Variants in KANK1 observed in about 807,000 individuals in gnomAD.
The protein encoded by KANK1 is KN motif and ankyrin repeat domains 1, also known as KN motif and ankyrin repeat domain-containing protein 1.
Under a neutral mutation model 106.2 loss-of-function variants are expected in KANK1, and 109 were observed. The observed-to-expected ratio is 1.03, with a 90% confidence interval of 0.88 to 1.20. The LOEUF (loss-of-function observed/expected upper bound fraction) is 1.20. KANK1 is among the 50% of genes most tolerant of loss of function. The pLI, the probability that KANK1 is intolerant of heterozygous loss-of-function variation, is 0.00. For synonymous variants in KANK1, 873 were observed against 652.2 expected, an observed-to-expected ratio of 1.34 and a Z score of -5.16; for missense variants, 2,399 against 1,710.7, an observed-to-expected ratio of 1.40 and a Z score of -7.10.
intron 3 of KANK1, among the ~76,000 whole-genome samples, chr9:488,562 C>T (rs1206239483): frequency 6.6e-6 from 1 of 152,332 alleles, no homozygotes; most frequent in Non-Finnish European, 1.5e-5. Flanking sequence ...TCAATTACCT[C>T]AACTGCAAAG....
rs944957855 is a variant in KANK1 at position 548,208 on chromosome 9, G to T, written c.-84+43454G>T. Among the ~76,000 whole-genome samples, 5 of 152,122 alleles carry T rather than the reference G, an allele frequency of 3.3e-5. No homozygotes were observed. In the South Asian group the frequency reaches 1.0e-3, roughly 32 times the overall value. The stretch of plus-strand genomic sequence containing the variant: ...AAAGTAAGATAATTCTTAAACCTTA[G>T]TATCAGCAGTCATTCTAAACCACAT... On this transcript the variant is annotated intron_variant, in intron 1 of 11. Coordinates refer to ENST00000382297, the MANE Select transcript of KANK1 (RefSeq NM_015158.5).
intron 1 of KANK1, among the ~76,000 whole-genome samples, chr9:586,296 C>A (rs1014814143): frequency 6.6e-6 from 1 of 152,162 alleles, no homozygotes; most frequent in East Asian, 1.9e-4. Flanking sequence ...AGGGGATGGG[C>A]CCAGGCCTAT....
rs3028166 is a variant in KANK1, at chr9:598,620, C to CTTTTTTTTTTTT, written c.-83-78251_-83-78240dup. ...TTTTTTGTTTTGTTTTGTTGGTTTT[C>CTTTTTTTTTTTT]TTTTTTTTTTTTTTTTTTTTTTTTT... On this transcript the variant is annotated intron_variant, in intron 1 of 11. Coordinates refer to ENST00000382297, the MANE Select transcript of KANK1 (RefSeq NM_015158.5). Among the ~76,000 whole-genome samples the CTTTTTTTTTTTT allele has an allele frequency of 2.7e-3, 124 of 46,670 alleles. 22 individuals are homozygous for CTTTTTTTTTTTT. The highest frequency in any genetic ancestry group is 3.6e-3 in the Non-Finnish European group (83 of 23,142). 30.6% of individuals were successfully genotyped at this position (46,670 alleles called of 152,430 possible).
rs5895857 is a variant in KANK1, at chr9:670,949, G to GTTT, written c.-83-5914_-83-5912dup. On this transcript the variant is annotated intron_variant, in intron 1 of 11. Transcript: ENST00000382297. The stretch of plus-strand genomic sequence containing the variant: ...TCTGATTCTCTTACTGTCTGCTGGA[G>GTTT]TTTTTTTTTTTTTTTTTTTTTTTTT... 1.1e-4 allele frequency among the ~76,000 whole-genome samples: 11 copies of GTTT among 103,110 alleles called. 1 individual carries two copies. The highest frequency in any genetic ancestry group is 2.6e-4 in the African/African-American group (8 of 30,410). 67.6% of individuals were successfully genotyped at this position (103,110 alleles called of 152,430 possible). A position where few individuals can be genotyped will look rare whatever the true frequency, so the allele number is the denominator to read the frequency against.
chr9:672,423 G>A (rs1815375662), intron 1 of KANK1, among the ~76,000 whole-genome samples: 1 of 152,114 alleles, frequency 6.6e-6, no homozygotes, highest in Non-Finnish European at 1.5e-5. Context: ...TTCTTAATAA[G>A]CATTTTATCA....
chr9:663,002 A>G (rs7870643), intron 1 of KANK1, among the ~76,000 whole-genome samples: 127,487 of 152,050 alleles, frequency 0.84, 53,586 homozygotes, highest in East Asian at 0.97. Context: ...AGAAAAAAAT[A>G]AATCTGAGGA....
chr9:592,217 A>T (rs1036021592), intron 1 of KANK1, among the ~76,000 whole-genome samples: 1 of 151,892 alleles, frequency 6.6e-6, no homozygotes, highest in East Asian at 1.9e-4. Flanking sequence ...CCTGAGAGCA[A>T]AGGTTAGATA....
chr9:732,928 T>A, intron 6 of KANK1: 1 of 202,572 alleles, frequency 4.9e-6, no homozygotes, highest in Non-Finnish European at 1.0e-5. Context: ...TTTAAAGACA[T>A]TTTAATTTTT....
intron 1 of KANK1, among the ~76,000 whole-genome samples, chr9:513,877 C>A (rs939384365): frequency 1.3e-5 from 2 of 152,082 alleles, no homozygotes; most frequent in Non-Finnish European, 2.9e-5. Flanking sequence ...ATTAGCTGGG[C>A]TTGCTGGTGC....
At chr9:661,321 G>A (rs568649113) in intron 1 of KANK1, among the ~76,000 whole-genome samples, 2 of 150,076 alleles carry the variant, frequency 1.3e-5, no homozygotes, top group Admixed American at 6.7e-5. Flanking sequence ...TCACCGCCCT[G>A]TGTCCAAGTG....
intron 1 of KANK1, among the ~76,000 whole-genome samples, chr9:527,967 T>G (rs2059873179): frequency 6.6e-6 from 1 of 151,822 alleles, no homozygotes; most frequent in African/African-American, 2.4e-5. Flanking sequence ...CTGTCTGTAC[T>G]AAAAATACAA....
chr9:563,443 C>G (rs1817007873), intron 1 of KANK1, among the ~76,000 whole-genome samples: 1 of 152,090 alleles, frequency 6.6e-6, no homozygotes, highest in African/African-American at 2.4e-5. Context: ...AATAAACATG[C>G]TGTTTTATTT....
At chr9:552,021 A>T (rs887213085) in intron 1 of KANK1, among the ~76,000 whole-genome samples, 2 of 152,136 alleles carry the variant, frequency 1.3e-5, no homozygotes, top group African/African-American at 4.8e-5. Flanking sequence ...GCACCACTGT[A>T]TTCCAGCCTG....
At chr9:655,497 C>T (rs554955974) in intron 1 of KANK1, among the ~76,000 whole-genome samples, 1 of 152,178 alleles carries the variant, frequency 6.6e-6, no homozygotes, top group East Asian at 1.9e-4. Context: ...GTGCTCCTTC[C>T]ACTTCAGTGT....
chr9:716,601 A>G (rs921220039), intron 3 of KANK1, among the ~76,000 whole-genome samples: 4 of 152,224 alleles, frequency 2.6e-5, no homozygotes, highest in African/African-American at 9.7e-5. Context: ...AAAACGAAGT[A>G]TATTAGCGGC....
At chr9:504,409 C>T (rs1445797806), upstream of KANK1, among the ~76,000 whole-genome samples, 1 of 151,670 alleles carries the variant, frequency 6.6e-6, no homozygotes, top group African/African-American at 2.4e-5. Context: ...TGCAGCGGCG[C>T]GCAGGCGCAC....
chr9:508,440 A>G (rs536754794), intron 1 of KANK1, among the ~76,000 whole-genome samples: 25 of 152,302 alleles, frequency 1.6e-4, no homozygotes, highest in African/African-American at 5.8e-4. Context: ...CCCAGCCTGT[A>G]GCTATACATC....
At chr9:708,847 T>G (rs890779914) in intron 2 of KANK1, among the ~76,000 whole-genome samples, 3 of 152,196 alleles carry the variant, frequency 2.0e-5, no homozygotes, top group Non-Finnish European at 4.4e-5. Flanking sequence ...GCGCAGCTTA[T>G]TAGCGTGGCT....
intron 3 of KANK1, among the ~76,000 whole-genome samples, chr9:496,383 A>G (rs1399901068): frequency 3.3e-5 from 5 of 152,142 alleles, no homozygotes; most frequent in Non-Finnish European, 7.4e-5. Flanking sequence ...GTCAAATCCC[A>G]TCCCTACTAA....
Sources: allele counts gnomAD v4.1 joint callset (sites outside exome capture counted in the v4.1 genomes callset), GRCh38; gene constraint gnomAD v4.1.1; transcripts MANE v1.5; gene names NCBI Gene and HGNC (gene_info 2026-07-23, HGNC 2026-07-21).